The following SIGLEC8 variants were observed in gnomAD, a reference collection of about 807,000 sequenced individuals.
SIGLEC8 encodes the protein sialic acid binding Ig like lectin 8.
In SIGLEC8, 32 loss-of-function variants were observed where a neutral mutation model predicts 42.1. That is an observed-to-expected ratio of 0.76 (90% CI 0.57 to 1.02). SIGLEC8 has a LOEUF of 1.02. Among genes scored for constraint, SIGLEC8 ranks in the 50% least tolerant of loss-of-function variants. The pLI is 0.00. For missense variants in SIGLEC8, 611 were observed against 610.2 expected (o/e 1.00, Z -0.01); for synonymous variants, 262 against 260.3 (o/e 1.01, Z -0.06).
At chr19:51,457,765 A>G (rs1989533160) in intron 1 of SIGLEC8, 26 bp from the exon 2 acceptor site, 1 of 1,556,616 alleles carries the variant, frequency 6.4e-7, no homozygotes, top group East Asian at 2.2e-5. Context: ...ACACAGGATC[A>G]GGAGGAGGTA....
In SIGLEC8 at chr19:51,454,883, C is replaced by A; in HGVS notation, c.1052-103G>T. ...CCCTAGACTTCCATTCCCCTCTTCT[C>A]CTTCCCAGACACAGAATACGAATGG... On this transcript the variant is annotated intron_variant, in intron 4 of 6. Coordinates refer to ENST00000321424, the MANE Select transcript of SIGLEC8 (RefSeq NM_014442.3). This position sits in a 1 kb window ranked among gnomAD's most constrained non-coding sequence, Gnocchi z 4.7. 1.3e-6 allele frequency: 1 copy of A among 777,708 alleles called. No individual in the cohort carries two copies. Among genetic ancestry groups the A allele is most frequent in the East Asian group, 2.6e-5 (1 of 37,904 alleles). 48.2% of individuals were successfully genotyped at this position (777,708 alleles called of 1,614,324 possible). A position where few individuals can be genotyped will look rare whatever the true frequency, so the allele number is the denominator to read the frequency against.
chr19:51,455,024 C>G (rs1361680964), intron 4 of SIGLEC8, among the ~76,000 whole-genome samples: 2 of 152,162 alleles, frequency 1.3e-5, no homozygotes, highest in Non-Finnish European at 2.9e-5. Context: ...ATTTTGCATT[C>G]AATTTTAGTT....
intron 3 of SIGLEC8, among the ~76,000 whole-genome samples, chr19:51,456,491 T>C (rs1283653188): frequency 2.0e-5 from 3 of 152,208 alleles, no homozygotes; most frequent in Non-Finnish European, 1.5e-5. Flanking sequence ...CCTGTGGAAG[T>C]AGATACAAGA....
chr19:51,452,710 C>T, intron 6 of SIGLEC8, 77 bp from the exon 7 acceptor site: 2 of 1,328,168 alleles, frequency 1.5e-6, no homozygotes, highest in Non-Finnish European at 2.0e-6. Context: ...GGAAGGAGGC[C>T]CAGGAGGTCC....
rs192849690 is a variant in SIGLEC8, at chr19:51,452,937, C to G, written c.1246-304G>C. On this transcript the variant is annotated intron_variant, in intron 6 of 6. Transcript: ENST00000321424. ...CCCAAAGTCCCTGTTGCAGCAGGACCCAATCCATCTGTTCCTTCTGACCCC... is the reference window on the plus strand; with the variant it reads ...CCCAAAGTCCCTGTTGCAGCAGGACGCAATCCATCTGTTCCTTCTGACCCC... Among the ~76,000 whole-genome samples the G allele has an allele frequency of 3.3e-3, 499 of 152,220 alleles. 18 individuals carry two copies. Among genetic ancestry groups the G allele is most frequent in the Admixed American group, 0.029 (448 of 15,294 alleles).
Position 51,454,404 on chromosome 19 carries a change from G to A in SIGLEC8, c.1149-89C>T, listed in dbSNP as rs1176327436. ...CCCTGCCCTGTATTTCCTACTGGGG[G>A]CTTGAGGGGTGACCGAGGCGCAACG... On this transcript the variant is annotated intron_variant, in intron 5 of 6. Coordinates refer to ENST00000321424, the MANE Select transcript of SIGLEC8 (RefSeq NM_014442.3). The surrounding 1 kb of genome is among the most constrained non-coding windows in gnomAD (Gnocchi z 4.7). 7 of 1,607,228 alleles carry A rather than the reference G, an allele frequency of 4.4e-6. No individual in the cohort carries two copies. Among genetic ancestry groups the A allele is most frequent in the African/African-American group, 1.3e-5 (1 of 74,492 alleles).
rs762502051 is a variant in SIGLEC8, at chr19:51,455,520, G to A, written c.949C>T (p.Arg317Ter). Residue 317 changes from arginine to a stop codon, truncating the protein, a stop_gained, in exon 4 of 7, where the codon CGA becomes TGA. Transcript: ENST00000321424. LOFTEE classifies it high-confidence loss of function. ...SSNPGLLELP[R>*]VHVRDEGEFT... Reference sequence around the variant, plus strand: ...TCCCCTTCATCCCTCACGTGCACTCGAGGCAGCTCCAGCAGCCCAGGGTTT... The same window carrying A: ...TCCCCTTCATCCCTCACGTGCACTCAAGGCAGCTCCAGCAGCCCAGGGTTT... 2.5e-6 allele frequency: 4 copies of A among 1,613,974 alleles called. No homozygotes were observed. The highest frequency in any genetic ancestry group is 1.3e-5 in the African/African-American group (1 of 74,912).
Position 51,458,190 on chromosome 19 carries a change from C to G in SIGLEC8, c.198G>C (p.Trp66Cys). 6.2e-7 allele frequency: 1 copy of G among 1,614,122 alleles called. No homozygotes were observed. The highest frequency in any genetic ancestry group is 8.5e-7 in the Non-Finnish European group (1 of 1,180,036). Residue 66 changes from tryptophan (W) to cysteine (C), a missense_variant, in exon 1 of 7, where the codon TGG becomes TGC. Transcript: ENST00000321424. ...WTDSDPVHGY[W>C]FRAGDRPYQD... ...GGTATGGTCTGTCTCCTGCCCGGAACCAGTAGCCATGAACTGGGTCAGAGT... is the reference window on the plus strand; with the variant it reads ...GGTATGGTCTGTCTCCTGCCCGGAAGCAGTAGCCATGAACTGGGTCAGAGT...
Position 51,458,047 on chromosome 19 carries a change from G to A in SIGLEC8, c.341C>T (p.Ala114Val), listed in dbSNP as rs1235562597. Residue 114 changes from alanine (A) to valine (V), a missense_variant, in exon 1 of 7, where the codon GCC becomes GTC. Transcript: ENST00000321424. Reference protein sequence around the residue: ...SNDCSLSIRDARKRDKGSYFF... With the variant: ...SNDCSLSIRDVRKRDKGSYFF... Reference sequence around the variant, plus strand: ...ATATGACCCCTTATCCCTCTTCCTGGCGTCTCTGATGCTCAGGGAGCAGTC... The same window carrying A: ...ATATGACCCCTTATCCCTCTTCCTGACGTCTCTGATGCTCAGGGAGCAGTC... The A allele has an allele frequency of 1.2e-6, 2 of 1,614,000 alleles. No individual in the cohort carries two copies. Among genetic ancestry groups the A allele is most frequent in the Non-Finnish European group, 1.7e-6 (2 of 1,180,008 alleles).
chr19:51,454,598 G>T lies in SIGLEC8; in HGVS notation c.1148+86C>A. On this transcript the variant is annotated intron_variant, in intron 5 of 6. Coordinates refer to ENST00000321424, the MANE Select transcript of SIGLEC8 (RefSeq NM_014442.3). The surrounding 1 kb of genome is among the most constrained non-coding windows in gnomAD (Gnocchi z 4.7). ...TTGCCCCAAGCCCTGGACCCATCCAGGTCCTTCCAGCTCTGGCTTCAGGGA... is the reference window on the plus strand; with the variant it reads ...TTGCCCCAAGCCCTGGACCCATCCATGTCCTTCCAGCTCTGGCTTCAGGGA... The T allele has an allele frequency of 8.0e-7, 1 of 1,244,446 alleles. No individual in the cohort carries two copies. Among genetic ancestry groups the T allele is most frequent in the Non-Finnish European group, 1.2e-6 (1 of 849,358 alleles). The allele number at this position is 1,244,446 out of a possible 1,614,324, so 77.1% of individuals were successfully genotyped here.
At chr19:51,453,810 T>TG in intron 6 of SIGLEC8, 1 of 985,036 alleles carries the variant, frequency 1.0e-6, no homozygotes, top group Non-Finnish European at 1.2e-6. Flanking sequence ...ATACCTGACC[T>TG]GGGGAAGCTC....
At chr19:51,457,160 C>T in intron 3 of SIGLEC8, 24 bp downstream of exon 3, 1 of 1,611,284 alleles carries the variant, frequency 6.2e-7, no homozygotes, top group Non-Finnish European at 8.5e-7. Flanking sequence ...CTCCCCCAAC[C>T]CCAGGGAGGG....
rs943477459 is a variant in SIGLEC8, at chr19:51,457,094, C to T, written c.781+90G>A. 7 of 1,221,252 alleles carry T rather than the reference C, an allele frequency of 5.7e-6. No homozygotes were observed. The Admixed American group carries it at 8.4e-5, about 15-fold the overall frequency. The allele number at this position is 1,221,252 out of a possible 1,614,324, so 75.7% of individuals were successfully genotyped here. ...TCACGCACAGTGGCAGCTCTGTTTCCCAAAGTGATTCCAGGATGAGGAGAG... is the reference window on the plus strand; with the variant it reads ...TCACGCACAGTGGCAGCTCTGTTTCTCAAAGTGATTCCAGGATGAGGAGAG... On this transcript the variant is annotated intron_variant, in intron 3 of 6. Transcript: ENST00000321424.
chr19:51,452,063 G>GA lies in SIGLEC8; in HGVS notation c.*315dup, dbSNP rs1260247701. The GA allele has an allele frequency of 1.1e-3, 209 of 197,966 alleles. No individual in the cohort carries two copies. The highest frequency in any genetic ancestry group is 2.3e-3 in the East Asian group (20 of 8,660). The allele number at this position is 197,966 out of a possible 1,614,324, so 12.3% of individuals were successfully genotyped here. ...ACAGAGCGAAACTCCATCTCTCAAAGAAAAAAAAATATTCAGTGCTTGATT... is the reference window on the plus strand; with the variant it reads ...ACAGAGCGAAACTCCATCTCTCAAAGAAAAAAAAAATATTCAGTGCTTGATT... On this transcript the variant is annotated 3_prime_UTR_variant, in exon 7 of 7. Coordinates refer to ENST00000321424, the MANE Select transcript of SIGLEC8 (RefSeq NM_014442.3).
intron 2 of SIGLEC8, 85 bp from the exon 3 acceptor site, chr19:51,457,316 A>C: frequency 6.6e-7 from 1 of 1,507,804 alleles, no homozygotes; most frequent in African/African-American, 1.4e-5. Context: ...AAATACAGGG[A>C]AAATGGAGTC....
rs1989430574 is a variant in SIGLEC8, at chr19:51,454,068, A to G, written c.1245+151T>C. ...GGGTAGGGACTGCCATGCTGTCAGCAAGATGGGGGAGTCCTGTAGAAGCCG... is the reference window on the plus strand; with the variant it reads ...GGGTAGGGACTGCCATGCTGTCAGCGAGATGGGGGAGTCCTGTAGAAGCCG... On this transcript the variant is annotated intron_variant, in intron 6 of 6. Transcript: ENST00000321424. This position sits in a 1 kb window ranked among gnomAD's most constrained non-coding sequence, Gnocchi z 4.7. The G allele has an allele frequency of 6.9e-7, 1 of 1,450,228 alleles. No homozygotes were observed. 89.8% of individuals were successfully genotyped at this position (1,450,228 alleles called of 1,614,324 possible). A position where few individuals can be genotyped will look rare whatever the true frequency, so the allele number is the denominator to read the frequency against.
Position 51,452,570 on chromosome 19 carries a change from G to C in SIGLEC8, c.1309C>G (p.Pro437Ala). The change falls in exon 7 of 7, where the codon CCC (proline) becomes GCC (alanine). Residue 437 changes from proline (P) to alanine (A), a missense_variant. Transcript: ENST00000321424. ...PLKKPPPAVA[P>A]SSGEEGELHY... Reference sequence around the variant, plus strand: ...AGCTCTCCTTCCTCCCCTGACGAGGGGGCAACAGCTGGGGGAGGCTTCTTC... The same window carrying C: ...AGCTCTCCTTCCTCCCCTGACGAGGCGGCAACAGCTGGGGGAGGCTTCTTC... 1.3e-6 allele frequency: 2 copies of C among 1,585,570 alleles called. No individual in the cohort carries two copies. Among genetic ancestry groups the C allele is most frequent in the Non-Finnish European group, 1.7e-6 (2 of 1,159,086 alleles).
chr19:51,456,006 A>G (rs1025552864), intron 3 of SIGLEC8, among the ~76,000 whole-genome samples: 10 of 149,124 alleles, frequency 6.7e-5, no homozygotes, highest in African/African-American at 2.0e-4. Context: ...GTTCTCACTC[A>G]TAAGTGGGAA....
In SIGLEC8 at chr19:51,452,654, G is replaced by A. The variant is rs756823036; in HGVS notation, c.1246-21C>T. On this transcript the variant is annotated intron_variant, in intron 6 of 6. Transcript: ENST00000321424. ...GGTCCCTGGACAGAGAGAGAGAAGG[G>A]AGTCAGAACAGAGCAGTGGGGCCAG... 136 of 1,497,376 alleles carry A rather than the reference G, an allele frequency of 9.1e-5. 3 individuals carry two copies. Among genetic ancestry groups the A allele is most frequent in the South Asian group, 2.8e-5 (2 of 72,618 alleles). The allele number at this position is 1,497,376 out of a possible 1,614,324, so 92.8% of individuals were successfully genotyped here. A position where few individuals can be genotyped will look rare whatever the true frequency, so the allele number is the denominator to read the frequency against.
Sources: allele counts gnomAD v4.1 joint callset (sites outside exome capture counted in the v4.1 genomes callset), GRCh38; gene constraint gnomAD v4.1.1; non-coding constraint Gnocchi (gnomAD v3.1); transcripts MANE v1.5; gene names NCBI Gene and HGNC (gene_info 2026-07-23, HGNC 2026-07-21).